The following CADM1 variants were observed in gnomAD, a reference collection of about 807,000 sequenced individuals.
CADM1 encodes TSLC-1.
In CADM1, 15 loss-of-function variants were observed where a neutral mutation model predicts 53.1. That is an observed-to-expected ratio of 0.28 (90% CI 0.19 to 0.44). The LOEUF is 0.44. CADM1 is among the 20% of genes least tolerant of loss of function. The pLI is 1.00. For synonymous variants in CADM1, 281 were observed against 243.0 expected, an observed-to-expected ratio of 1.16 and a Z score of -1.45; for missense variants, 434 against 611.3, an observed-to-expected ratio of 0.71 and a Z score of 3.06.
At chr11:115,295,974 AG>A (rs1265055307) in intron 1 of CADM1, among the ~76,000 whole-genome samples, 18 of 152,282 alleles carry the variant, frequency 1.2e-4, no homozygotes, top group African/African-American at 4.3e-4. Flanking sequence ...TTTAAGAAAC[AG>A]GGTCTCACTC....
intron 1 of CADM1, among the ~76,000 whole-genome samples, chr11:115,410,401 ATGT>A (rs1947430673): frequency 6.6e-6 from 1 of 152,164 alleles, no homozygotes. Flanking sequence ...GTCCTCTATA[ATGT>A]TGTACCCTTG....
intron 8 of CADM1, among the ~76,000 whole-genome samples, chr11:115,204,796 T>C (rs2134709388): frequency 6.6e-6 from 1 of 152,340 alleles, no homozygotes; most frequent in South Asian, 2.1e-4. Flanking sequence ...CAATCCACAT[T>C]ACACAAAACA....
intron 8 of CADM1, among the ~76,000 whole-genome samples, chr11:115,206,075 T>C (rs1940662866): frequency 6.6e-6 from 1 of 152,202 alleles, no homozygotes; most frequent in Admixed American, 6.5e-5. Flanking sequence ...TAGCCTATAG[T>C]TGGGTAAAAC....
chr11:115,229,759 C>A (rs1033432077), intron 4 of CADM1, among the ~76,000 whole-genome samples: 2 of 152,178 alleles, frequency 1.3e-5, no homozygotes, highest in Admixed American at 1.3e-4. Context: ...TTACAAACAA[C>A]CCCCTTTGCC....
At chr11:115,198,586 A>G (rs1436023748) in intron 8 of CADM1, 148 bp from the exon 9 acceptor site, 2 of 678,074 alleles carry the variant, frequency 2.9e-6, no homozygotes, top group African/African-American at 3.6e-5. Context: ...AATGAAAAGC[A>G]AAAAGCATTT....
rs545722046 is a variant in CADM1 at position 115,258,967 on chromosome 11, A to G, written c.125-18547T>C. ...CTTTTAATTTTTTTAAAGAACATGA[A>G]AAAGAGAAAAATGTTAACTTTCCAA... On this transcript the variant is annotated intron_variant, in intron 1 of 11. Coordinates refer to ENST00000331581, the MANE Select transcript of CADM1 (RefSeq NM_001301043.2). 3.6e-4 allele frequency among the ~76,000 whole-genome samples: 55 copies of G among 152,300 alleles called. 2 individuals carry two copies. In the South Asian group the frequency reaches 6.6e-3, roughly 18 times the overall value.
intron 1 of CADM1, among the ~76,000 whole-genome samples, chr11:115,407,873 TAAAAAAAAAAAAAAAAAAA>T (rs148209064): frequency 8.8e-4 from 28 of 31,722 alleles, no homozygotes; most frequent in South Asian, 2.5e-3. Context: ...CCCTGTCATT[TAAAAAAAAAAAAAAAAAAA>T]AAAAAAAAAA....
chr11:115,480,306 TATA>T (rs1949230650), intron 1 of CADM1, among the ~76,000 whole-genome samples: 1 of 152,120 alleles, frequency 6.6e-6, no homozygotes, highest in Admixed American at 6.5e-5. Flanking sequence ...TAAGAGCATT[TATA>T]ATGAGTGGGA....
At chr11:115,272,332 T>C (rs1943322218) in intron 1 of CADM1, among the ~76,000 whole-genome samples, 1 of 152,188 alleles carries the variant, frequency 6.6e-6, no homozygotes, top group South Asian at 2.1e-4. Context: ...CTCTTGATTT[T>C]TGAGCTAAGA....
At chr11:115,306,023 T>C (rs906382174) in intron 1 of CADM1, among the ~76,000 whole-genome samples, 21 of 148,938 alleles carry the variant, frequency 1.4e-4, no homozygotes, top group African/African-American at 4.9e-4. Context: ...GCAATAAGCA[T>C]TACTAAACTT....
chr11:115,464,834 C>T (rs1728989689), intron 1 of CADM1, among the ~76,000 whole-genome samples: 1 of 152,180 alleles, frequency 6.6e-6, no homozygotes, highest in South Asian at 2.1e-4. Flanking sequence ...ACCAACAATA[C>T]CAGATCACTT....
intron 1 of CADM1, among the ~76,000 whole-genome samples, chr11:115,438,831 T>C (rs888051090): frequency 3.3e-5 from 5 of 152,222 alleles, no homozygotes; most frequent in African/African-American, 1.2e-4. Flanking sequence ...TCCTCAAATA[T>C]ATCACTGCCT....
At chr11:115,241,878 A>C (rs550680144) in intron 1 of CADM1, among the ~76,000 whole-genome samples, 2 of 152,310 alleles carry the variant, frequency 1.3e-5, no homozygotes, top group South Asian at 2.1e-4. Context: ...ATAAATACTC[A>C]TCTAAAGAAA....
chr11:115,178,510 C>A, intron 11 of CADM1, 134 bp downstream of exon 11: 44 of 520,342 alleles, frequency 8.5e-5, no homozygotes, highest in East Asian at 1.1e-4. Context: ...TCTCTTCTCT[C>A]TCTTCCAGTT....
In CADM1 at chr11:115,460,885, C is replaced by T. The variant is rs60621038; in HGVS notation, c.124+43386G>A. ...TCCATATACAGCCACAGCCTTGTTC[C>T]TTTCAAGTACGGATTAATTTATTTC... On this transcript the variant is annotated intron_variant, in intron 1 of 11. Transcript: ENST00000331581. 5.6e-3 allele frequency among the ~76,000 whole-genome samples: 848 copies of T among 152,074 alleles called. 5 individuals are homozygous for T. The highest frequency in any genetic ancestry group is 0.02 in the African/African-American group (821 of 41,508).
chr11:115,238,703 C>T (rs774807948), intron 2 of CADM1, 51 bp from the exon 3 acceptor site: 30 of 1,575,230 alleles, frequency 1.9e-5, no homozygotes, highest in Non-Finnish European at 2.3e-5. Context: ...GACGGACAGT[C>T]TATTTTCCTT....
intron 7 of CADM1, among the ~76,000 whole-genome samples, chr11:115,211,475 CTTTTTTTTTTTT>C (rs1224649182): frequency 3.3e-5 from 3 of 92,260 alleles, no homozygotes; most frequent in Admixed American, 1.6e-4. Context: ...AATCCTATTT[CTTTTTTTTTTTT>C]TTTTTTTTTT....
At chr11:115,300,860 T>G (rs1036774440) in intron 1 of CADM1, among the ~76,000 whole-genome samples, 2 of 152,112 alleles carry the variant, frequency 1.3e-5, no homozygotes, top group Non-Finnish European at 2.9e-5. Context: ...AAACTACATT[T>G]GTCCTAGTAA....
At chr11:115,366,613 T>C (rs1052999460) in intron 1 of CADM1, among the ~76,000 whole-genome samples, 3 of 152,190 alleles carry the variant, frequency 2.0e-5, no homozygotes, top group Non-Finnish European at 4.4e-5. Flanking sequence ...ATGTAAAAAA[T>C]GGCACTAGAG....
Sources: gnomAD v4.1 joint callset for allele counts (sites outside exome capture counted in the v4.1 genomes callset) on GRCh38, gnomAD v4.1.1 for gene constraint, MANE v1.5 for transcripts, NCBI Gene and HGNC (gene_info 2026-07-23, HGNC 2026-07-21) for gene names.